The following TLN2 variants were observed in gnomAD, a reference collection of about 807,000 sequenced individuals.
TLN2 encodes the protein talin-2.
Under a neutral mutation model 294.7 loss-of-function variants are expected in TLN2, and 118 were observed. That is an observed-to-expected ratio of 0.40 (90% CI 0.34 to 0.47). TLN2 has a LOEUF of 0.47. TLN2 is among the 20% of genes least tolerant of loss of function. TLN2 has a pLI of 0.84. For missense variants in TLN2, 3,083 were observed against 3,282.2 expected, an observed-to-expected ratio of 0.94 and a Z score of 1.48; for synonymous variants, 1,431 against 1,304.5, an observed-to-expected ratio of 1.10 and a Z score of -2.09.
intron 32 of TLN2, among the ~76,000 whole-genome samples, chr15:62,743,369 C>T (rs1439007335): frequency 1.3e-5 from 2 of 152,134 alleles, no homozygotes; most frequent in African/African-American, 2.4e-5. Context: ...TTTGTGGTCT[C>T]TGTGGTCCTT....
intron 1 of TLN2, among the ~76,000 whole-genome samples, chr15:62,505,030 C>T (rs369309672): frequency 6.6e-6 from 1 of 152,264 alleles, no homozygotes; most frequent in East Asian, 1.9e-4. Flanking sequence ...GATCTCAGCT[C>T]ACTGCAACCT....
chr15:62,447,151 C>CTT (rs1397880269), intron 1 of TLN2, among the ~76,000 whole-genome samples: 2 of 109,166 alleles, frequency 1.8e-5, no homozygotes, highest in African/African-American at 6.5e-5. Context: ...TTCAAGAAGC[C>CTT]TATATTTATT....
Position 62,482,371 on chromosome 15 carries a change from G to A in TLN2, c.-238+91686G>A, listed in dbSNP as rs189263653. Among the ~76,000 whole-genome samples, 34 of 151,736 alleles carry A rather than the reference G, an allele frequency of 2.2e-4. 1 individual carries two copies. In the East Asian group the frequency reaches 5.7e-3, roughly 25 times the overall value. ...TAATCCCAGCACTTTGGGAGGCCGA[G>A]GCGGGTGGATCACCTGAGGTCGGGA... On this transcript the variant is annotated intron_variant, in intron 1 of 58. Coordinates refer to ENST00000636159, the MANE Select transcript of TLN2 (RefSeq NM_015059.3).
intron 1 of TLN2, among the ~76,000 whole-genome samples, chr15:62,425,293 T>C (rs2034647481): frequency 6.6e-6 from 1 of 151,754 alleles, no homozygotes; most frequent in South Asian, 2.1e-4. Flanking sequence ...TCTAATGTGC[T>C]GCTGCTAGGG....
chr15:62,755,307 C>T (rs1034199352), intron 36 of TLN2: 11 of 517,332 alleles, frequency 2.1e-5, no homozygotes, highest in Non-Finnish European at 3.0e-5. Flanking sequence ...TATCCCACCA[C>T]TATGTCAGCA....
chr15:62,623,793 G>C (rs932929516), intron 3 of TLN2, among the ~76,000 whole-genome samples: 2 of 152,176 alleles, frequency 1.3e-5, no homozygotes, highest in South Asian at 4.1e-4. Flanking sequence ...TTCATTTGGA[G>C]ATGAGAATAA....
intron 1 of TLN2, among the ~76,000 whole-genome samples, chr15:62,428,082 T>C (rs934833423): frequency 5.3e-5 from 8 of 152,222 alleles, no homozygotes; most frequent in African/African-American, 1.9e-4. Flanking sequence ...CCACCCCCCC[T>C]CCACAATTCT....
chr15:62,776,760 T>G lies in TLN2; in HGVS notation c.5368-4T>G. The G allele has an allele frequency of 6.6e-7, 1 of 1,513,592 alleles. No homozygotes were observed. The highest frequency in any genetic ancestry group is 8.9e-7 in the Non-Finnish European group (1 of 1,124,352). The allele number at this position is 1,513,592 out of a possible 1,614,324, so 93.8% of individuals were successfully genotyped here. A position where few individuals can be genotyped will look rare whatever the true frequency, so the allele number is the denominator to read the frequency against. On this transcript the variant is annotated splice_polypyrimidine_tract_variant and splice_region_variant and intron_variant, in intron 42 of 58. Transcript: ENST00000636159. ...AAGGAAATGTTTCACAATTCCCTTC[T>G]CAGGCACAACACACCCATGACGCCA...
intron 1 of TLN2, among the ~76,000 whole-genome samples, chr15:62,522,258 T>C (rs79245593): frequency 0.13 from 20,322 of 152,116 alleles, 2,128 homozygotes; most frequent in East Asian, 0.56. Flanking sequence ...AAATAATCCC[T>C]CTTCTATTTT....
At chr15:62,462,158 C>G (rs934497390) in intron 1 of TLN2, among the ~76,000 whole-genome samples, 2 of 152,160 alleles carry the variant, frequency 1.3e-5, no homozygotes, top group Admixed American at 1.3e-4. Context: ...TGCTTGAACC[C>G]GGGAGGCGGA....
intron 1 of TLN2, among the ~76,000 whole-genome samples, chr15:62,530,632 G>C (rs1449802714): frequency 6.6e-6 from 1 of 152,212 alleles, no homozygotes; most frequent in Non-Finnish European, 1.5e-5. Flanking sequence ...TGGGATTACA[G>C]GCGTGAGCCA....
intron 2 of TLN2, among the ~76,000 whole-genome samples, chr15:62,598,254 T>A (rs950870346): frequency 1.3e-5 from 2 of 152,294 alleles, no homozygotes; most frequent in Middle Eastern, 3.4e-3. Flanking sequence ...GCTTCTTGGA[T>A]CCTGGGGCAG....
chr15:62,528,690 T>TTTTTA (rs373017151), intron 1 of TLN2, among the ~76,000 whole-genome samples: 1 of 138,560 alleles, frequency 7.2e-6, no homozygotes, highest in African/African-American at 2.7e-5. Flanking sequence ...TTTTTTTTTT[T>TTTTTA]GGCATGTCTC....
chr15:62,775,774 C>T (rs765138856), intron 42 of TLN2, among the ~76,000 whole-genome samples: 18 of 152,224 alleles, frequency 1.2e-4, no homozygotes, highest in Non-Finnish European at 1.9e-4. Flanking sequence ...TCAGGGCGGC[C>T]GTAGCCACGG....
intron 1 of TLN2, among the ~76,000 whole-genome samples, chr15:62,403,461 G>A (rs1475667435): frequency 6.6e-6 from 1 of 152,154 alleles, no homozygotes; most frequent in Non-Finnish European, 1.5e-5. Context: ...TCAAACTCCT[G>A]GGTTCAAGTG....
At chr15:62,837,424 T>C (rs1160737404) in intron 57 of TLN2, among the ~76,000 whole-genome samples, 2 of 152,298 alleles carry the variant, frequency 1.3e-5, no homozygotes, top group African/African-American at 2.4e-5. Flanking sequence ...TTTTCAGGGG[T>C]TTCATCTGTA....
At chr15:62,445,811 A>G (rs2035792266) in intron 1 of TLN2, among the ~76,000 whole-genome samples, 1 of 151,944 alleles carries the variant, frequency 6.6e-6, no homozygotes, top group African/African-American at 2.4e-5. Context: ...CTACAGGCAC[A>G]TGCCACCACT....
At chr15:62,628,881 A>T (rs2049525097) in intron 3 of TLN2, among the ~76,000 whole-genome samples, 2 of 152,172 alleles carry the variant, frequency 1.3e-5, no homozygotes, top group South Asian at 2.1e-4. Flanking sequence ...TATTTTATTT[A>T]TCAGAAAATT....
intron 1 of TLN2, among the ~76,000 whole-genome samples, chr15:62,517,652 T>G (rs1488050270): frequency 6.6e-6 from 1 of 152,242 alleles, no homozygotes. Context: ...TCTAATTTGT[T>G]TTTTAAAAGT....
Sources: allele counts gnomAD v4.1 joint callset (sites outside exome capture counted in the v4.1 genomes callset), GRCh38; gene constraint gnomAD v4.1.1; transcripts MANE v1.5; gene names NCBI Gene and HGNC (gene_info 2026-07-23, HGNC 2026-07-21).